ELMO1: variants seen among roughly 807,000 people sequenced by gnomAD.
ELMO1 encodes engulfment and cell motility 1, also known as engulfment and cell motility protein 1.
ELMO1 carries 26 observed loss-of-function variants against 98.9 expected under a neutral mutation model. That is an observed-to-expected ratio of 0.26 (90% CI 0.19 to 0.36). The LOEUF (loss-of-function observed/expected upper bound fraction) is 0.36, where lower values mean the gene tolerates loss of function less well. Ranked by LOEUF, ELMO1 falls within the 10% of genes least tolerant of loss-of-function variation. The probability of loss-of-function intolerance (pLI) is 1.00; values close to 1 mark genes in which losing one functional copy is unlikely to be tolerated. For missense variants in ELMO1, 627 were observed against 935.2 expected, an observed-to-expected ratio of 0.67 and a Z score of 4.30; for synonymous variants, 346 against 346.0, an observed-to-expected ratio of 1.00 and a Z score of 0.00.
intron 16 of ELMO1, among the ~76,000 whole-genome samples, chr7:36,956,737 G>A (rs2293628): frequency 0.23 from 35,664 of 152,078 alleles, 5,743 homozygotes; most frequent in African/African-American, 0.45. Flanking sequence ...AAAAATCATC[G>A]ATCGGGCAAT....
intron 13 of ELMO1, among the ~76,000 whole-genome samples, chr7:37,151,885 C>T (rs913863266): frequency 4.6e-5 from 7 of 152,138 alleles, no homozygotes; most frequent in East Asian, 1.9e-4. Context: ...AACAGAAATA[C>T]GGTGACTTCT....
chr7:36,972,588 C>T (rs936988614), intron 16 of ELMO1, among the ~76,000 whole-genome samples: 1 of 152,092 alleles, frequency 6.6e-6, no homozygotes, highest in Non-Finnish European at 1.5e-5. Flanking sequence ...TGTCTCTTTA[C>T]ATCATCTTCC....
chr7:36,913,849 T>TG lies in ELMO1; in HGVS notation c.1438-18833dup, dbSNP rs1584359980. On this transcript the variant is annotated intron_variant, in intron 16 of 21. Coordinates refer to ENST00000310758, the MANE Select transcript of ELMO1 (RefSeq NM_014800.11). Reference sequence around the variant, plus strand: ...CTAGAATCCTCCAATCATACAGCAGTGGGGTAGGATCTTTGACAGTCTCTC... The same window carrying TG: ...CTAGAATCCTCCAATCATACAGCAGTGGGGGTAGGATCTTTGACAGTCTCTC... Among the ~76,000 whole-genome samples the TG allele has an allele frequency of 2.0e-5, 3 of 152,172 alleles. No individual in the cohort carries two copies. In the East Asian group the frequency reaches 5.8e-4, roughly 29 times the overall value.
In ELMO1 at chr7:37,156,144, G is replaced by A. The variant is rs1001461808; in HGVS notation, c.1087-22910C>T. Among the ~76,000 whole-genome samples the A allele has an allele frequency of 5.3e-5, 8 of 152,208 alleles. 1 individual carries two copies. The East Asian group carries it at 7.7e-4, about 15-fold the overall frequency. On this transcript the variant is annotated intron_variant, in intron 13 of 21. Coordinates refer to ENST00000310758, the MANE Select transcript of ELMO1 (RefSeq NM_014800.11). The stretch of plus-strand genomic sequence containing the variant: ...AAACCAGTGAGAACAAAGACACAAC[G>A]TACCAGAATCTCTGGGACACATTTA...
chr7:37,136,685 C>G (rs1894925), intron 13 of ELMO1, among the ~76,000 whole-genome samples: 25,589 of 151,680 alleles, frequency 0.17, 2,845 homozygotes, highest in African/African-American at 0.31. Context: ...GAGAGAATTC[C>G]CCACTACCAA....
chr7:37,333,390 G>A (rs926105292), intron 2 of ELMO1, among the ~76,000 whole-genome samples: 2 of 152,202 alleles, frequency 1.3e-5, no homozygotes, highest in Non-Finnish European at 2.9e-5. Flanking sequence ...AGTGTCCTGA[G>A]TTGCCCGAAC....
intron 15 of ELMO1, among the ~76,000 whole-genome samples, chr7:37,021,854 C>T (rs1158138070): frequency 1.3e-5 from 2 of 152,068 alleles, no homozygotes; most frequent in Non-Finnish European, 2.9e-5. Context: ...ATTTGGAAAA[C>T]TTTTGGGACC....
intron 16 of ELMO1, among the ~76,000 whole-genome samples, chr7:36,958,029 A>G (rs1162783183): frequency 6.6e-6 from 1 of 152,180 alleles, no homozygotes; most frequent in Non-Finnish European, 1.5e-5. Flanking sequence ...GCTGGCTCCA[A>G]TCAGTTGCAA....
At chr7:37,258,176 G>A (rs1283722142) in intron 6 of ELMO1, among the ~76,000 whole-genome samples, 1 of 152,142 alleles carries the variant, frequency 6.6e-6, no homozygotes, top group African/African-American at 2.4e-5. Flanking sequence ...CCTGAGGAAG[G>A]AGAATTGCTT....
intron 14 of ELMO1, among the ~76,000 whole-genome samples, chr7:37,131,735 G>A (rs569246886): frequency 2.0e-5 from 3 of 152,218 alleles, no homozygotes; most frequent in Admixed American, 2.0e-4. Flanking sequence ...TTTCTTATGT[G>A]GGACTGTATT....
intron 13 of ELMO1, among the ~76,000 whole-genome samples, chr7:37,155,158 G>A (rs1471029886): frequency 6.6e-6 from 1 of 152,182 alleles, no homozygotes; most frequent in Admixed American, 6.5e-5. Context: ...CCTAAAGGAA[G>A]CACTAAACAT....
chr7:37,140,627 C>G (rs1442212025), intron 13 of ELMO1, among the ~76,000 whole-genome samples: 1 of 152,180 alleles, frequency 6.6e-6, no homozygotes, highest in Non-Finnish European at 1.5e-5. Context: ...TATTCACAAT[C>G]TATACATCTG....
chr7:36,897,103 T>C (rs1806069948), intron 16 of ELMO1, among the ~76,000 whole-genome samples: 1 of 152,176 alleles, frequency 6.6e-6, no homozygotes, highest in African/African-American at 2.4e-5. Context: ...GAGATGATGG[T>C]GTTTACACCA....
At chr7:36,945,023 C>T (rs867398237) in intron 16 of ELMO1, among the ~76,000 whole-genome samples, 3 of 152,202 alleles carry the variant, frequency 2.0e-5, no homozygotes, top group Non-Finnish European at 2.9e-5. Context: ...TGCTGACTCA[C>T]GGCAGCTTTG....
intron 13 of ELMO1, among the ~76,000 whole-genome samples, chr7:37,163,156 T>C (rs1184621528): frequency 6.6e-6 from 1 of 152,288 alleles, no homozygotes; most frequent in Admixed American, 6.5e-5. Flanking sequence ...ATCTTTCCAT[T>C]GCTTTTCCTC....
chr7:37,293,727 T>A (rs867958700), intron 4 of ELMO1, among the ~76,000 whole-genome samples: 919 of 30,228 alleles, frequency 0.03, 55 homozygotes, highest in South Asian at 0.04. Flanking sequence ...AAAAAAAAAA[T>A]AATAATAATA....
chr7:37,145,138 AGGCCTGG>A (rs1787899588), intron 13 of ELMO1, among the ~76,000 whole-genome samples: 1 of 152,224 alleles, frequency 6.6e-6, no homozygotes, highest in South Asian at 2.1e-4. Flanking sequence ...CTCATCCAGT[AGGCCTGG>A]GGTGAGGCCA....
chr7:37,184,492 T>C (rs923437709), intron 13 of ELMO1, among the ~76,000 whole-genome samples: 11 of 152,282 alleles, frequency 7.2e-5, no homozygotes, highest in African/African-American at 2.2e-4. Flanking sequence ...CTCTACACGG[T>C]CAAGGCCAAA....
intron 7 of ELMO1, among the ~76,000 whole-genome samples, chr7:37,240,400 T>C (rs889100717): frequency 6.6e-6 from 1 of 152,198 alleles, no homozygotes; most frequent in Non-Finnish European, 1.5e-5. Flanking sequence ...CCCTCTTTTA[T>C]CCCTGGTGTT....
Sources: allele counts gnomAD v4.1 joint callset (sites outside exome capture counted in the v4.1 genomes callset), GRCh38; gene constraint gnomAD v4.1.1; transcripts MANE v1.5; gene names NCBI Gene and HGNC (gene_info 2026-07-23, HGNC 2026-07-21).